STPG2: variants seen among roughly 807,000 people sequenced by gnomAD.
STPG2 encodes the protein sperm-tail PG-rich repeat-containing protein 2.
In STPG2, 56 loss-of-function variants were observed where a neutral mutation model predicts 54.2. The ratio of observed to expected loss-of-function variants is 1.03; its 90% CI spans 0.83 to 1.29. The LOEUF (loss-of-function observed/expected upper bound fraction) is 1.29, where lower values mean the gene tolerates loss of function less well. Among genes scored for constraint, STPG2 ranks in the 50% most tolerant of loss-of-function variants. The probability of loss-of-function intolerance (pLI) is 0.00; values close to 1 mark genes in which losing one functional copy is unlikely to be tolerated. For synonymous variants in STPG2, 200 were observed against 181.8 expected (o/e 1.10, Z -0.81); for missense variants, 596 against 544.9 (o/e 1.09, Z -0.93).
At chr4:97,884,673 T>C (rs772333948) in intron 8 of STPG2, among the ~76,000 whole-genome samples, 6 of 151,904 alleles carry the variant, frequency 3.9e-5, no homozygotes, top group East Asian at 1.9e-4. Flanking sequence ...TTTTAGGACA[T>C]AGCTCTACAT....
At chr4:97,933,470 T>A (rs1383514894) in intron 8 of STPG2, among the ~76,000 whole-genome samples, 1 of 152,214 alleles carries the variant, frequency 6.6e-6, no homozygotes, top group Non-Finnish European at 1.5e-5. Context: ...TTGCCTAGAT[T>A]TTCCCCCAGG....
In STPG2 at chr4:97,876,619, T is replaced by C. The variant is rs138600482; in HGVS notation, c.1045-35687A>G. Among the ~76,000 whole-genome samples the C allele has an allele frequency of 1.8e-3, 281 of 152,174 alleles. 3 individuals carry two copies. The highest frequency in any genetic ancestry group is 0.01 in the Middle Eastern group (3 of 290). On this transcript the variant is annotated intron_variant, in intron 8 of 10. Coordinates refer to ENST00000295268, the MANE Select transcript of STPG2 (RefSeq NM_174952.3). ...TCTTTGAATATCTTTTCCATACTAATCATCACATACATAAAAAGCTAAGGA... is the reference window on the plus strand; with the variant it reads ...TCTTTGAATATCTTTTCCATACTAACCATCACATACATAAAAAGCTAAGGA...
At chr4:98,017,910 A>C (rs1736020088) in intron 5 of STPG2, among the ~76,000 whole-genome samples, 1 of 152,142 alleles carries the variant, frequency 6.6e-6, no homozygotes, top group Admixed American at 6.6e-5. Context: ...CTTGTGAAGA[A>C]AATACTTGCT....
chr4:97,811,069 C>T (rs592053), intron 9 of STPG2, among the ~76,000 whole-genome samples: 88,573 of 151,848 alleles, frequency 0.58, 26,387 homozygotes, highest in East Asian at 0.74. Context: ...GGGGCCCAAT[C>T]AGTGCTCCTT....
At chr4:97,867,416 C>A (rs1428611956) in intron 8 of STPG2, among the ~76,000 whole-genome samples, 1 of 151,942 alleles carries the variant, frequency 6.6e-6, no homozygotes, top group Non-Finnish European at 1.5e-5. Context: ...TTTCAATTAA[C>A]TCCTTGTGAG....
intron 10 of STPG2, among the ~76,000 whole-genome samples, chr4:97,705,241 G>T (rs1052505410): frequency 6.6e-6 from 1 of 151,876 alleles, no homozygotes; most frequent in Non-Finnish European, 1.5e-5. Flanking sequence ...AGCCCCATTG[G>T]CTTGTCTAAG....
chr4:97,740,786 C>T (rs542331615), intron 9 of STPG2, among the ~76,000 whole-genome samples: 6 of 152,250 alleles, frequency 3.9e-5, no homozygotes, highest in Non-Finnish European at 7.4e-5. Context: ...GGCAATACTG[C>T]CCAAGGTAAT....
rs775508159 is a variant in STPG2, at chr4:97,943,972, A to G, written c.969T>C (p.Asp323=). ...FWHSQGVGIS[D]ELPNLTNKYA... ...ATTTGTTAGTCAAGTTAGGTAATTCATCAGAAATTCCCACACCCTGTGAAT... is the reference window on the plus strand; with the variant it reads ...ATTTGTTAGTCAAGTTAGGTAATTCGTCAGAAATTCCCACACCCTGTGAAT... The change falls in exon 8 of 11, where the codon GAT becomes GAC. Residue 323 remains aspartate, a synonymous_variant. Coordinates refer to ENST00000295268, the MANE Select transcript of STPG2 (RefSeq NM_174952.3). 2 of 1,607,372 alleles carry G rather than the reference A, an allele frequency of 1.2e-6. No individual in the cohort carries two copies. The highest frequency in any genetic ancestry group is 1.7e-6 in the Non-Finnish European group (2 of 1,177,882).
intron 9 of STPG2, among the ~76,000 whole-genome samples, chr4:97,735,015 G>A (rs1724928673): frequency 6.6e-6 from 1 of 151,234 alleles, no homozygotes; most frequent in South Asian, 2.1e-4. Context: ...GGAGCTGGCA[G>A]TGAGTTGAGA....
At chr4:97,910,762 C>T (rs1731647703) in intron 8 of STPG2, among the ~76,000 whole-genome samples, 3 of 152,038 alleles carry the variant, frequency 2.0e-5, no homozygotes, top group South Asian at 4.1e-4. Context: ...GGAACAAATG[C>T]TAGAAGTATC....
At chr4:97,908,036 A>C (rs1002060316) in intron 8 of STPG2, among the ~76,000 whole-genome samples, 19 of 152,166 alleles carry the variant, frequency 1.2e-4, no homozygotes, top group Admixed American at 1.2e-3. Context: ...ATTAAACTAA[A>C]GAGCTTCTGC....
At chr4:98,141,185 G>A (rs908652578) in intron 1 of STPG2, among the ~76,000 whole-genome samples, 8 of 151,866 alleles carry the variant, frequency 5.3e-5, no homozygotes, top group Non-Finnish European at 1.2e-4. Context: ...ATCTGACTCT[G>A]GCATAACATT....
At chr4:97,490,761 A>G (rs891841249) in intron 4 of STPG2, among the ~76,000 whole-genome samples, 10 of 151,580 alleles carry the variant, frequency 6.6e-5, no homozygotes, top group Admixed American at 5.9e-4. Context: ...CTAACCTTTA[A>G]CACTTCTAAA....
intron 5 of STPG2, among the ~76,000 whole-genome samples, chr4:98,046,454 G>A (rs970237974): frequency 6.6e-6 from 1 of 152,044 alleles, no homozygotes; most frequent in Non-Finnish European, 1.5e-5. Context: ...TCGTCAGACT[G>A]GCCATGTGTA....
intron 6 of STPG2, among the ~76,000 whole-genome samples, chr4:97,976,157 C>T (rs780981542): frequency 6.6e-6 from 1 of 152,072 alleles, no homozygotes; most frequent in Non-Finnish European, 1.5e-5. Context: ...AAAATATCTA[C>T]AAAAATTCTG....
intron 5 of STPG2, among the ~76,000 whole-genome samples, chr4:98,088,648 G>A (rs1212367266): frequency 3.5e-5 from 5 of 143,232 alleles, no homozygotes; most frequent in Non-Finnish European, 7.5e-5. Context: ...TACTGGTAAG[G>A]ACTATAAAAT....
chr4:97,977,146 T>C (rs2149260577), intron 6 of STPG2, among the ~76,000 whole-genome samples: 1 of 152,256 alleles, frequency 6.6e-6, no homozygotes, highest in Non-Finnish European at 1.5e-5. Flanking sequence ...CCCTTGCCTC[T>C]CCACTATTGA....
intron 10 of STPG2, among the ~76,000 whole-genome samples, chr4:97,592,748 T>G (rs2148899511): frequency 1.3e-5 from 2 of 152,208 alleles, no homozygotes; most frequent in East Asian, 3.9e-4. Flanking sequence ...CACCAGTGAC[T>G]CCTGGGGAAT....
At chr4:97,613,476 GTGTGTGTGTGTGTGT>G (rs1733781674) in intron 10 of STPG2, among the ~76,000 whole-genome samples, 1 of 22,204 alleles carries the variant, frequency 4.5e-5, no homozygotes, top group African/African-American at 1.0e-3. Context: ...GTCATCACCC[GTGTGTGTGTGTGTGT>G]GTGTGTGTGT....
Sources: allele counts gnomAD v4.1 joint callset (sites outside exome capture counted in the v4.1 genomes callset), GRCh38; gene constraint gnomAD v4.1.1; transcripts MANE v1.5; gene names NCBI Gene and HGNC (gene_info 2026-07-23, HGNC 2026-07-21).